ITIH6: variants seen among roughly 807,000 people sequenced by gnomAD.
ITIH6 encodes the protein inter-alpha-trypsin inhibitor heavy chain family member 6, also known as inter-alpha-trypsin inhibitor heavy chain H6.
In ITIH6, 60 loss-of-function variants were observed where a neutral mutation model predicts 58.2. The observed-to-expected ratio is 1.03, with a 90% CI of 0.84 to 1.28. The LOEUF (loss-of-function observed/expected upper bound fraction) is 1.28. Among genes scored for constraint, ITIH6 ranks in the 50% most tolerant of loss-of-function variants. ITIH6 has a pLI of 0.00. For missense variants in ITIH6, 1,290 were observed against 1,021.1 expected (o/e 1.26, Z -3.59); for synonymous variants, 493 against 417.4 (o/e 1.18, Z -2.21).
rs1928318647 is a variant in ITIH6 at position 54,749,958 on chromosome X, C to G, written c.3879G>C (p.Trp1293Cys). ...PRLLPRWASC[W>C]LVKRSHVELL... The stretch of plus-strand genomic sequence containing the variant: ...GCTCTACATGAGAGCGCTTCACCAG[C>G]CAGCAGGAAGCCCAGCGGGGCAGCA... The change falls in exon 13 of 13, where the codon TGG becomes TGC. Residue 1293 changes from tryptophan to cysteine, a missense_variant. Trp to Cys is a radical substitution (Grantham distance 215). Transcript: ENST00000218436. 8.3e-7 allele frequency: 1 copy of G among 1,209,935 alleles called. No individual in the cohort carries two copies. The highest frequency in any genetic ancestry group is 1.1e-6 in the Non-Finnish European group (1 of 895,191).
intron 3 of ITIH6, among the ~76,000 whole-genome samples, chrX:54,791,489 G>A (rs978773825): frequency 4.5e-5 from 5 of 110,752 alleles, no homozygotes; most frequent in Admixed American, 2.9e-4. Context: ...GAAGGAGCTT[G>A]TTTATATGGC....
At position 54,758,489 on chromosome X, in the gene ITIH6, G is replaced by A; in HGVS notation, c.1585C>T (p.Leu529Phe). 1 of 1,210,410 alleles carries A rather than the reference G, an allele frequency of 8.3e-7. No individual in the cohort carries two copies. Among genetic ancestry groups the A allele is most frequent in the Non-Finnish European group, 1.1e-6 (1 of 894,885 alleles). Residue 529 changes from leucine to phenylalanine, a missense_variant, in exon 8 of 13, where the codon CTT becomes TTT. Coordinates refer to ENST00000218436, the MANE Select transcript of ITIH6 (RefSeq NM_198510.3). ...CCTTCACTGTGGTGGGCCACAAGAA[G>A]CTGATCCTTGGGGCCACGGGCTGCC... ...HLAARGPKDQLLVAHHSEGAT... is the reference protein window; with the variant it reads ...HLAARGPKDQFLVAHHSEGAT...
intron 5 of ITIH6, among the ~76,000 whole-genome samples, chrX:54,779,970 G>A (rs371893552): frequency 1.8e-5 from 2 of 111,442 alleles, no homozygotes; most frequent in East Asian, 2.8e-4. Context: ...TTAGCAAGAG[G>A]ATGTAACAAT....
chrX:54,767,188 T>C (rs1457901029), intron 6 of ITIH6, among the ~76,000 whole-genome samples: 1 of 106,146 alleles, frequency 9.4e-6, no homozygotes, highest in Admixed American at 1.0e-4. Flanking sequence ...GAGGTGTTTG[T>C]AGTATTCTCT....
intron 6 of ITIH6, among the ~76,000 whole-genome samples, chrX:54,762,242 C>T (rs1308297592): frequency 9.0e-6 from 1 of 110,522 alleles, no homozygotes; most frequent in East Asian, 2.8e-4. Context: ...CTCTGTTTGT[C>T]TGTTATTGGT....
At position 54,796,941 on chromosome X, in the gene ITIH6, C is replaced by A; in HGVS notation, c.257+1G>T. ...AGTGGTGACTTTGGAAGCAGACTTA[C>A]ATAGTGAAATTGGAGATAAAGGCAA... is the stretch of plus-strand genomic sequence containing the variant. On this transcript the variant is annotated splice_donor_variant, in intron 2 of 12. Coordinates refer to ENST00000218436, the MANE Select transcript of ITIH6 (RefSeq NM_198510.3). LOFTEE classifies it high-confidence loss of function. The A allele has an allele frequency of 8.3e-7, 1 of 1,209,306 alleles. No individual in the cohort carries two copies. The highest frequency in any genetic ancestry group is 1.8e-5 in the South Asian group (1 of 56,653).
At chrX:54,775,395 C>G (rs1256766451) in intron 5 of ITIH6, among the ~76,000 whole-genome samples, 2 of 111,261 alleles carry the variant, frequency 1.8e-5, no homozygotes, top group African/African-American at 3.3e-5. Context: ...ACCCACCTGA[C>G]TCAGGAAGAG....
Position 54,749,896 on chromosome X carries a change from C to T in ITIH6, c.3941G>A (p.Ter1314=), listed in dbSNP as rs1292116006. The T allele has an allele frequency of 2.7e-5, 33 of 1,204,899 alleles. No homozygotes were observed. Among genetic ancestry groups the T allele is most frequent in the Non-Finnish European group, 3.7e-5 (33 of 891,576 alleles). ...CCTGGCTCTGGAATTCAGAAGCCAT[C>T]ACAGGACATAGGAGAGGTAGGGGTG... ...LGHPYLSYVL[*] The change falls in exon 13 of 13, where the codon TGA becomes TAA. Residue 1314 remains the stop codon, a stop_retained_variant. Transcript: ENST00000218436.
chrX:54,783,480 G>A, intron 5 of ITIH6, among the ~76,000 whole-genome samples: 2 of 112,242 alleles, frequency 1.8e-5, no homozygotes, highest in Admixed American at 1.9e-4. Flanking sequence ...ATAAACAAAT[G>A]CAGGAAAGTT....
At position 54,753,788 on chromosome X, in the gene ITIH6, T is replaced by C. The variant is rs781211583; in HGVS notation, c.3239-24A>G. 52 of 1,147,279 alleles carry C rather than the reference T, an allele frequency of 4.5e-5. 2 individuals are homozygous for C. The South Asian group carries it at 8.5e-4, about 19-fold the overall frequency. 94.5% of individuals were successfully genotyped at this position (1,147,279 alleles called of 1,213,427 possible). ...CACTGCAAGGCAGAAGATACAACTC[T>C]AAAGTTAAAGGAATAAATGGAAGGG... On this transcript the variant is annotated intron_variant, in intron 10 of 12. Coordinates refer to ENST00000218436, the MANE Select transcript of ITIH6 (RefSeq NM_198510.3).
In ITIH6 at chrX:54,758,411, T is replaced by G. The variant is rs566825205; in HGVS notation, c.1663A>C (p.Asn555His). The G allele has an allele frequency of 4.1e-6, 5 of 1,210,294 alleles. No individual in the cohort carries two copies. In the South Asian group the frequency reaches 8.8e-5, roughly 21 times the overall value. Residue 555 changes from asparagine to histidine, a missense_variant, in exon 8 of 13, where the codon AAT becomes CAT. Coordinates refer to ENST00000218436, the MANE Select transcript of ITIH6 (RefSeq NM_198510.3). ...AFGCPGEPAP[N>H]VAHFIRRLWA... is the part of the protein sequence containing the mutation. Reference sequence around the variant, plus strand: ...AGGCGGCGGATGAAGTGGGCCACATTGGGGGCTGGCTCCCCTGGGCAACCA... The same window carrying G: ...AGGCGGCGGATGAAGTGGGCCACATGGGGGGCTGGCTCCCCTGGGCAACCA...
At chrX:54,756,302 T>A (rs1928483819) in intron 8 of ITIH6, among the ~76,000 whole-genome samples, 1 of 111,465 alleles carries the variant, frequency 9.0e-6, no homozygotes, top group South Asian at 3.9e-4. Context: ...GTGACCAGAT[T>A]GTATGAGTTC....
chrX:54,761,042 C>T (rs1375370378), intron 6 of ITIH6, among the ~76,000 whole-genome samples: 1 of 111,913 alleles, frequency 8.9e-6, no homozygotes, highest in Non-Finnish European at 1.9e-5. Context: ...GAACTAGTTT[C>T]TAGTCCCACC....
rs1263259475 is a variant in ITIH6 at position 54,749,295 on chromosome X, G to A, written c.*600C>T. ...CAGTCTAAGTCAGGGATCCAGACAA[G>A]TAAACAGATGATTACTACACAGTAT... On this transcript the variant is annotated 3_prime_UTR_variant, in exon 13 of 13. Coordinates refer to ENST00000218436, the MANE Select transcript of ITIH6 (RefSeq NM_198510.3). The A allele has an allele frequency of 9.0e-6, 1 of 111,675 alleles. No individual in the cohort carries two copies. The allele number at this position is 111,675 out of a possible 1,213,427, so 9.2% of individuals were successfully genotyped here.
intron 6 of ITIH6, among the ~76,000 whole-genome samples, chrX:54,773,569 G>A (rs781407467): frequency 1.8e-5 from 2 of 110,946 alleles, no homozygotes; most frequent in Admixed American, 9.5e-5. Context: ...CTTGGTCTAC[G>A]GCCTCAGAAC....
At chrX:54,791,721 G>A (rs1929351559) in intron 3 of ITIH6, among the ~76,000 whole-genome samples, 1 of 112,044 alleles carries the variant, frequency 8.9e-6, no homozygotes, top group African/African-American at 3.2e-5. Flanking sequence ...GTAGAAATGG[G>A]GAAGTAAATT....
Position 54,785,308 on chromosome X carries a change from A to T in ITIH6, c.786+3172T>A, listed in dbSNP as rs756910590. ...ATAAGACTTAGTATTTGATAGCAAG[A>T]CAGGGTGACTATAGTCAATAATACT... is the stretch of plus-strand genomic sequence containing the variant. On this transcript the variant is annotated intron_variant, in intron 5 of 12. Transcript: ENST00000218436. Among the ~76,000 whole-genome samples, 5 of 111,153 alleles carry T rather than the reference A, an allele frequency of 4.5e-5. No individual in the cohort carries two copies. The East Asian group carries it at 1.4e-3, about 31-fold the overall frequency.
intron 2 of ITIH6, among the ~76,000 whole-genome samples, chrX:54,794,435 C>A (rs1929405365): frequency 9.0e-6 from 1 of 111,573 alleles, no homozygotes; most frequent in Non-Finnish European, 1.9e-5. Flanking sequence ...GTTAGCCCCC[C>A]ATAGTCCAAA....
intron 1 of ITIH6, 33 bp downstream of exon 1, chrX:54,798,076 C>T (rs899432156): frequency 9.9e-7 from 1 of 1,006,935 alleles, no homozygotes; most frequent in Admixed American, 2.7e-5. Context: ...TATCACAAAT[C>T]CCCAAGCTTT....
Sources: allele counts gnomAD v4.1 joint callset (sites outside exome capture counted in the v4.1 genomes callset), GRCh38; gene constraint gnomAD v4.1.1; transcripts MANE v1.5; gene names NCBI Gene and HGNC (gene_info 2026-07-23, HGNC 2026-07-21).